Variants in DNAAF11 observed in about 807,000 individuals in gnomAD.
DNAAF11 encodes the protein leucine rich repeat containing 6.
DNAAF11 carries 45 observed loss-of-function variants against 60.8 expected under a neutral mutation model. The observed-to-expected ratio is 0.74, with a 90% confidence interval of 0.58 to 0.95. The LOEUF is 0.95. Ranked by LOEUF, DNAAF11 falls within the 40% of genes least tolerant of loss-of-function variation. The probability of loss-of-function intolerance (pLI) is 0.00; values close to 1 mark genes in which losing one functional copy is unlikely to be tolerated. For missense variants in DNAAF11, 546 were observed against 546.2 expected (o/e 1.00, Z 0.00); for synonymous variants, 191 against 183.5 (o/e 1.04, Z -0.33).
chr8:132,684,565 C>T, the DNAAF11 span, among the ~76,000 whole-genome samples: 27 of 152,196 alleles, frequency 1.8e-4, no homozygotes, highest in Admixed American at 2.0e-4. Flanking sequence ...AAATCCCCAA[C>T]CTAAGACTAC....
the DNAAF11 span, among the ~76,000 whole-genome samples, chr8:132,694,105 G>T: frequency 0.13 from 19,286 of 152,126 alleles, 3,455 homozygotes; most frequent in African/African-American, 0.4. Flanking sequence ...AACAAGAGGG[G>T]ATAATAACCT....
chr8:132,662,678 C>A, intron 1 of DNAAF11, among the ~76,000 whole-genome samples: 1 of 152,134 alleles, frequency 6.6e-6, no homozygotes, highest in East Asian at 1.9e-4. Flanking sequence ...TTACCTGGGT[C>A]TTGGTGATAA....
the DNAAF11 span, among the ~76,000 whole-genome samples, chr8:132,683,399 T>C: frequency 5.1e-4 from 78 of 152,312 alleles, no homozygotes; most frequent in Non-Finnish European, 7.1e-4. Flanking sequence ...TCTGAGCCCA[T>C]TGAGGCACGT....
intron 4 of DNAAF11, among the ~76,000 whole-genome samples, 187 bp downstream of exon 4, chr8:132,637,748 T>G (rs189346444): frequency 6.6e-6 from 1 of 152,376 alleles, no homozygotes; most frequent in East Asian, 1.9e-4. Context: ...CAATTTATTT[T>G]TCAGGGATTT....
At chr8:132,677,008 T>C (rs150296347), upstream of DNAAF11, among the ~76,000 whole-genome samples, 252 of 152,246 alleles carry the variant, frequency 1.7e-3, 2 homozygotes, top group African/African-American at 5.8e-3. Flanking sequence ...ATACACAGAT[T>C]TATTACTGTG....
chr8:132,639,219 C>T (rs1821615688), intron 3 of DNAAF11, among the ~76,000 whole-genome samples: 1 of 152,168 alleles, frequency 6.6e-6, no homozygotes, highest in African/African-American at 2.4e-5. Context: ...TTTCTATGAG[C>T]TAAGAAGAGT....
intron 11 of DNAAF11, among the ~76,000 whole-genome samples, chr8:132,578,234 G>A (rs1814963940): frequency 6.6e-6 from 1 of 152,108 alleles, no homozygotes; most frequent in African/African-American, 2.4e-5. Context: ...AACTTAGCTA[G>A]TACATTGTTA....
chr8:132,579,841 C>CA (rs368349334), intron 11 of DNAAF11, among the ~76,000 whole-genome samples: 1 of 151,572 alleles, frequency 6.6e-6, no homozygotes, highest in East Asian at 1.9e-4. Context: ...CTAAAAATAC[C>CA]AAAAAATTAG....
the DNAAF11 span, chr8:132,687,721 G>T: frequency 2.2e-6 from 1 of 455,696 alleles, no homozygotes; most frequent in South Asian, 1.6e-5. Context: ...AGAGCTCAGG[G>T]CCTGAACTCA....
chr8:132,695,791 T>C, the DNAAF11 span, among the ~76,000 whole-genome samples: 1 of 152,078 alleles, frequency 6.6e-6, no homozygotes, highest in African/African-American at 2.4e-5. Flanking sequence ...AGCTGAATAA[T>C]AGTTAGAGTA....
At chr8:132,575,229 AT>A (rs1814616066) in intron 11 of DNAAF11, among the ~76,000 whole-genome samples, 1 of 152,170 alleles carries the variant, frequency 6.6e-6, no homozygotes, top group African/African-American at 2.4e-5. Flanking sequence ...CAAAGACCTC[AT>A]CTTTAAAATA....
chr8:132,687,257 T>A, the DNAAF11 span, among the ~76,000 whole-genome samples: 1 of 152,208 alleles, frequency 6.6e-6, no homozygotes, highest in Non-Finnish European at 1.5e-5. Context: ...AGTGCCTGCT[T>A]ACATGAGTGA....
rs979795018 is a variant in DNAAF11, at chr8:132,571,170, T to G, written c.*1136A>C. ...AAGGCCCTGTCTGAAAAAGCACCCA[T>G]CACCCTTGATTCCCTCACTCTGACT... On this transcript the variant is annotated 3_prime_UTR_variant, in exon 12 of 12. Transcript: ENST00000620350. 2.0e-5 allele frequency among the ~76,000 whole-genome samples: 3 copies of G among 152,170 alleles called. No individual in the cohort carries two copies. Among genetic ancestry groups the G allele is most frequent in the African/African-American group, 7.2e-5 (3 of 41,444 alleles).
chr8:132,698,937 C>CAT, the DNAAF11 span, among the ~76,000 whole-genome samples: 345 of 142,942 alleles, frequency 2.4e-3, 1 homozygote, highest in South Asian at 5.1e-3. Flanking sequence ...TATATGTATA[C>CAT]ATATATATAT....
At chr8:132,672,215 T>C (rs572849926) in intron 1 of DNAAF11, among the ~76,000 whole-genome samples, 3 of 152,286 alleles carry the variant, frequency 2.0e-5, no homozygotes, top group South Asian at 2.1e-4. Context: ...GATCTATAGA[T>C]GACAAATGTG....
chr8:132,669,553 G>A (rs1227868077), intron 1 of DNAAF11, among the ~76,000 whole-genome samples: 1 of 152,164 alleles, frequency 6.6e-6, no homozygotes, highest in Non-Finnish European at 1.5e-5. Context: ...ATCAGGAAAG[G>A]CTGAGAGAGG....
the DNAAF11 span, among the ~76,000 whole-genome samples, chr8:132,698,017 G>A: frequency 3.9e-5 from 6 of 152,290 alleles, no homozygotes; most frequent in East Asian, 1.9e-4. Flanking sequence ...GAGATAGGCA[G>A]GGAAGCACAA....
the DNAAF11 span, among the ~76,000 whole-genome samples, chr8:132,684,141 C>T: frequency 6.6e-6 from 1 of 152,190 alleles, no homozygotes; most frequent in Non-Finnish European, 1.5e-5. Flanking sequence ...TACAACACTT[C>T]CCTCACTTCT....
chr8:132,647,880 C>CA (rs1241482213), intron 3 of DNAAF11, among the ~76,000 whole-genome samples: 1 of 151,776 alleles, frequency 6.6e-6, no homozygotes, highest in Non-Finnish European at 1.5e-5. Flanking sequence ...GCCTAAAAAC[C>CA]AAAAAAAGTC....
Sources: gnomAD v4.1 joint callset for allele counts (sites outside exome capture counted in the v4.1 genomes callset) on GRCh38, gnomAD v4.1.1 for gene constraint, MANE v1.5 for transcripts, NCBI Gene and HGNC (gene_info 2026-07-23, HGNC 2026-07-21) for gene names.